The following SLIT2 variants were observed in gnomAD, a reference collection of about 807,000 sequenced individuals.
SLIT2 encodes the protein slit homolog 2 protein.
In SLIT2, 41 loss-of-function variants were observed where a neutral mutation model predicts 185.7. The observed-to-expected ratio is 0.22, with a 90% CI of 0.17 to 0.29. The LOEUF is 0.29. Ranked by LOEUF, SLIT2 falls within the 10% of genes least tolerant of loss-of-function variation. The probability of loss-of-function intolerance (pLI) is 1.00; values close to 1 mark genes in which losing one functional copy is unlikely to be tolerated. For missense variants in SLIT2, 1,571 were observed against 1,909.0 expected (o/e 0.82, Z 3.30); for synonymous variants, 693 against 680.2 (o/e 1.02, Z -0.29).
intron 29 of SLIT2, among the ~76,000 whole-genome samples, chr4:20,586,209 A>C (rs145431161): frequency 6.6e-6 from 1 of 152,192 alleles, no homozygotes; most frequent in South Asian, 2.1e-4. Context: ...GTCCAATGAA[A>C]ACATTCATGT....
intron 34 of SLIT2, among the ~76,000 whole-genome samples, chr4:20,611,511 T>C (rs943738715): frequency 2.6e-5 from 4 of 152,230 alleles, no homozygotes; most frequent in African/African-American, 7.2e-5. Context: ...CTATAATGCA[T>C]TATAAATAAA....
chr4:20,584,792 T>C (rs988829025), intron 29 of SLIT2, among the ~76,000 whole-genome samples: 1 of 152,154 alleles, frequency 6.6e-6, no homozygotes, highest in African/African-American at 2.4e-5. Flanking sequence ...TAAAACTCTA[T>C]ACCTGTAATC....
rs1721050313 is a variant in SLIT2 at position 20,523,882 on chromosome 4, C to T, written c.1253C>T (p.Pro418Leu). ...ACCATCGCCAAGGGGACCTTTTCAC[C>T]TCTTCGGGCCATTCAAACTATGTAT... ...LQTIAKGTFS[P>L]LRAIQTMHLA... is the part of the protein sequence containing the mutation. The change falls in exon 13 of 37, where the codon CCT becomes CTT. Residue 418 changes from proline (P) to leucine (L), a missense_variant. Pro to Leu is a moderately conservative substitution (Grantham distance 98, BLOSUM62 -3). Coordinates refer to ENST00000504154, the MANE Select transcript of SLIT2 (RefSeq NM_004787.4). 1 of 1,614,004 alleles carries T rather than the reference C, an allele frequency of 6.2e-7. No homozygotes were observed. Among genetic ancestry groups the T allele is most frequent in the Non-Finnish European group, 8.5e-7 (1 of 1,180,008 alleles).
chr4:20,449,601 G>A (rs1445645474), intron 4 of SLIT2, among the ~76,000 whole-genome samples: 1 of 152,014 alleles, frequency 6.6e-6, no homozygotes, highest in Non-Finnish European at 1.5e-5. Flanking sequence ...TAGAGACAGG[G>A]TTTCACCATG....
chr4:20,320,382 T>C (rs1718972518), intron 4 of SLIT2, among the ~76,000 whole-genome samples: 1 of 152,198 alleles, frequency 6.6e-6, no homozygotes, highest in Non-Finnish European at 1.5e-5. Flanking sequence ...TTTGACTCTC[T>C]GGACTCCCAT....
At chr4:20,430,042 A>C (rs540252129) in intron 4 of SLIT2, among the ~76,000 whole-genome samples, 2 of 152,360 alleles carry the variant, frequency 1.3e-5, no homozygotes, top group South Asian at 4.1e-4. Context: ...GAGTTTTTTT[A>C]CAATTGTATA....
At chr4:20,503,750 A>G (rs1718951754) in intron 9 of SLIT2, among the ~76,000 whole-genome samples, 1 of 152,302 alleles carries the variant, frequency 6.6e-6, no homozygotes, top group East Asian at 1.9e-4. Context: ...TCTCCTATAA[A>G]AACACCAATT....
chr4:20,269,356 A>T (rs1713365502), intron 4 of SLIT2, among the ~76,000 whole-genome samples: 1 of 151,900 alleles, frequency 6.6e-6, no homozygotes. Flanking sequence ...ATTTCCTCTT[A>T]AATGTTTCCT....
At chr4:20,394,220 T>C (rs1451603242) in intron 4 of SLIT2, among the ~76,000 whole-genome samples, 1 of 151,898 alleles carries the variant, frequency 6.6e-6, no homozygotes, top group Non-Finnish European at 1.5e-5. Flanking sequence ...AAAAGGAGTT[T>C]GAAAATATAT....
rs145314495 is a variant in SLIT2, at chr4:20,589,685, C to T, written c.3130C>T (p.Leu1044=). ...EEKLDFCAQD[L]NPCQHDSKCI... The stretch of plus-strand genomic sequence containing the variant: ...GAAGCTGGACTTCTGTGCCCAGGAC[C>T]TGAACCCCTGCCAGCACGATTCAAA... The change falls in exon 30 of 37, where the codon CTG becomes TTG. Residue 1044 remains leucine, a synonymous_variant. Coordinates refer to ENST00000504154, the MANE Select transcript of SLIT2 (RefSeq NM_004787.4). 8.9e-4 allele frequency: 1,438 copies of T among 1,613,950 alleles called. 9 individuals carry two copies. Among genetic ancestry groups the T allele is most frequent in the South Asian group, 6.2e-3 (565 of 91,036 alleles).
intron 6 of SLIT2, 88 bp downstream of exon 6, chr4:20,480,875 C>T: frequency 1.1e-6 from 1 of 945,056 alleles, no homozygotes; most frequent in South Asian, 1.3e-5. Flanking sequence ...AGCTTAAAAC[C>T]TTGTTGTCAA....
chr4:20,406,748 T>C lies in SLIT2; in HGVS notation c.396-61004T>C, dbSNP rs191717112. 7.9e-4 allele frequency among the ~76,000 whole-genome samples: 114 copies of C among 144,372 alleles called. 8 individuals are homozygous for C. Among genetic ancestry groups the C allele is most frequent in the African/African-American group, 2.4e-3 (100 of 41,186 alleles). 94.7% of individuals were successfully genotyped at this position (144,372 alleles called of 152,430 possible). A position where few individuals can be genotyped will look rare whatever the true frequency, so the allele number is the denominator to read the frequency against. On this transcript the variant is annotated intron_variant, in intron 4 of 36. Coordinates refer to ENST00000504154, the MANE Select transcript of SLIT2 (RefSeq NM_004787.4). The stretch of plus-strand genomic sequence containing the variant: ...AGTACAATTAGTATGGAAAACTGTT[T>C]TGTAGTATATACTAAAATTAAACTT...
intron 9 of SLIT2, among the ~76,000 whole-genome samples, chr4:20,493,171 T>C (rs1457415051): frequency 1.3e-5 from 2 of 152,180 alleles, no homozygotes; most frequent in East Asian, 3.9e-4. Context: ...GAGGTGGCAG[T>C]AAGCATTGTT....
chr4:20,441,214 A>G (rs1729713322), intron 4 of SLIT2, among the ~76,000 whole-genome samples: 3 of 152,146 alleles, frequency 2.0e-5, no homozygotes. Flanking sequence ...TTTAGTTGAC[A>G]TTCTCTTTTT....
At position 20,466,300 on chromosome 4, in the gene SLIT2, G is replaced by A. The variant is rs146910096; in HGVS notation, c.396-1452G>A. Among the ~76,000 whole-genome samples the A allele has an allele frequency of 2.6e-5, 4 of 152,150 alleles. No individual in the cohort carries two copies. The East Asian group carries it at 7.7e-4, about 29-fold the overall frequency. On this transcript the variant is annotated intron_variant, in intron 4 of 36. Coordinates refer to ENST00000504154, the MANE Select transcript of SLIT2 (RefSeq NM_004787.4). ...AATCAATGGCAAACTGGAGAAATAA[G>A]CAATTTTTTAGGAAATGAAGGATTA...
intron 4 of SLIT2, among the ~76,000 whole-genome samples, chr4:20,427,867 A>G (rs1185225203): frequency 6.6e-6 from 1 of 152,126 alleles, no homozygotes. Flanking sequence ...TATGCTTTTT[A>G]CCATGCCTCT....
At chr4:20,255,245 G>A (rs981011246) in intron 1 of SLIT2, among the ~76,000 whole-genome samples, 1 of 152,216 alleles carries the variant, frequency 6.6e-6, no homozygotes, top group South Asian at 2.1e-4. Flanking sequence ...CTCCACCCGC[G>A]CAGCCCATTG....
chr4:20,319,846 A>G (rs1262020163), intron 4 of SLIT2, among the ~76,000 whole-genome samples: 1 of 152,014 alleles, frequency 6.6e-6, no homozygotes, highest in African/African-American at 2.4e-5. Flanking sequence ...TCCCCAAACC[A>G]AAACACCTTC....
In SLIT2 at chr4:20,490,678, GTATAA is replaced by G. The variant is rs955487937; in HGVS notation, c.776-1079_776-1075del. On this transcript the variant is annotated intron_variant, in intron 8 of 36. Transcript: ENST00000504154. ...GTTTTATAACCTAAGAAAAATTTTT[GTATAA>G]TATCATGGAATGTTCTCAATATGTC... is the stretch of plus-strand genomic sequence containing the variant. 4.5e-6 allele frequency: 3 copies of G among 667,492 alleles called. No homozygotes were observed. In the African/African-American group the frequency reaches 5.5e-5, roughly 12 times the overall value. 41.3% of individuals were successfully genotyped at this position (667,492 alleles called of 1,614,324 possible). A position where few individuals can be genotyped will look rare whatever the true frequency, so the allele number is the denominator to read the frequency against.
Sources: gnomAD v4.1 joint callset for allele counts (sites outside exome capture counted in the v4.1 genomes callset) on GRCh38, gnomAD v4.1.1 for gene constraint, MANE v1.5 for transcripts, NCBI Gene and HGNC (gene_info 2026-07-23, HGNC 2026-07-21) for gene names.